The following ZBTB20 variants were observed in gnomAD, a reference collection of about 807,000 sequenced individuals.
The protein encoded by ZBTB20 is zinc finger and BTB domain containing 20.
In ZBTB20, 9 loss-of-function variants were observed where a neutral mutation model predicts 56.9. The observed-to-expected ratio is 0.16, with a 90% CI of 0.10 to 0.28. The LOEUF (loss-of-function observed/expected upper bound fraction) is 0.28, where lower values mean the gene tolerates loss of function less well. ZBTB20 is among the 10% of genes least tolerant of loss of function. The pLI is 1.00. For missense variants in ZBTB20, 655 were observed against 1,003.0 expected (o/e 0.65, Z 4.69); for synonymous variants, 417 against 420.7 (o/e 0.99, Z 0.11).
At chr3:115,097,776 G>A (rs755388026) in intron 1 of ZBTB20, among the ~76,000 whole-genome samples, 14 of 152,104 alleles carry the variant, frequency 9.2e-5, no homozygotes, top group Admixed American at 6.5e-4. Flanking sequence ...ATTCTATAGC[G>A]CTCCTGTAAC....
At chr3:115,058,358 C>T (rs890765846) in intron 2 of ZBTB20, among the ~76,000 whole-genome samples, 7 of 152,016 alleles carry the variant, frequency 4.6e-5, no homozygotes, top group Non-Finnish European at 7.4e-5. Context: ...GTCTTGATGC[C>T]ATTTCCTTCA....
Position 115,065,073 on chromosome 3 carries a change from C to G in ZBTB20, c.-507+6146G>C, listed in dbSNP as rs539549660. Among the ~76,000 whole-genome samples, 4 of 152,202 alleles carry G rather than the reference C, an allele frequency of 2.6e-5. No individual in the cohort carries two copies. The South Asian group carries it at 6.2e-4, about 24-fold the overall frequency. On this transcript the variant is annotated intron_variant, in intron 2 of 11. Transcript: ENST00000675478. Reference sequence around the variant, plus strand: ...CCTGCCTTCTGAACTTCCCATTAATCAGATGTTCAGCTTGTTGGATCGTTT... The same window carrying G: ...CCTGCCTTCTGAACTTCCCATTAATGAGATGTTCAGCTTGTTGGATCGTTT...
chr3:114,427,759 G>T (rs996815129), intron 7 of ZBTB20, among the ~76,000 whole-genome samples: 5 of 152,238 alleles, frequency 3.3e-5, no homozygotes, highest in South Asian at 4.1e-4. Context: ...AATGTATCGT[G>T]TAATAAGAAA....
intron 3 of ZBTB20, among the ~76,000 whole-genome samples, chr3:114,940,715 G>A (rs1249607139): frequency 6.8e-6 from 1 of 146,306 alleles, no homozygotes; most frequent in African/African-American, 2.8e-5. Context: ...TTCGGTTTAT[G>A]TTACAATATT....
Position 114,334,535 on chromosome 3 carries a change from T to C in ZBTB20, c.*4470A>G, listed in dbSNP as rs761956030. 1.3e-5 allele frequency: 2 copies of C among 152,178 alleles called. No homozygotes were observed. The highest frequency in any genetic ancestry group is 2.9e-5 in the Non-Finnish European group (2 of 68,020). The allele number at this position is 152,178 out of a possible 1,614,324, so 9.4% of individuals were successfully genotyped here. A position where few individuals can be genotyped will look rare whatever the true frequency, so the allele number is the denominator to read the frequency against. The stretch of plus-strand genomic sequence containing the variant: ...GAAACAAACATACCTGGAGGAAAAC[T>C]TTTTTCATTATCAGAATTCACAAAT... On this transcript the variant is annotated 3_prime_UTR_variant, in exon 12 of 12. Transcript: ENST00000675478.
At chr3:114,523,269 T>C (rs900381572) in intron 6 of ZBTB20, among the ~76,000 whole-genome samples, 2 of 152,186 alleles carry the variant, frequency 1.3e-5, no homozygotes, top group African/African-American at 2.4e-5. Flanking sequence ...ATGGAAGTCA[T>C]TGGTGACCTT....
chr3:114,641,419 G>C (rs2059552041), intron 6 of ZBTB20, among the ~76,000 whole-genome samples: 2 of 151,762 alleles, frequency 1.3e-5, no homozygotes, highest in East Asian at 3.9e-4. Context: ...TTTGTTAGTA[G>C]TATAATATAT....
intron 7 of ZBTB20, among the ~76,000 whole-genome samples, chr3:114,461,880 G>A (rs1034045029): frequency 2.6e-5 from 4 of 152,170 alleles, no homozygotes; most frequent in Admixed American, 2.6e-4. Flanking sequence ...ACAAATCTGT[G>A]AGGCTCATCA....
intron 6 of ZBTB20, among the ~76,000 whole-genome samples, chr3:114,513,480 G>A (rs9842821): frequency 0.33 from 50,850 of 151,924 alleles, 9,446 homozygotes; most frequent in African/African-American, 0.5. Context: ...TCTCCATGCT[G>A]GCATGGGGTA....
intron 10 of ZBTB20, among the ~76,000 whole-genome samples, chr3:114,377,845 G>A (rs1244582532): frequency 6.6e-6 from 1 of 151,974 alleles, no homozygotes; most frequent in Non-Finnish European, 1.5e-5. Flanking sequence ...ACAGGATATG[G>A]GCATTAAATC....
chr3:115,026,268 A>G (rs1369707294), intron 2 of ZBTB20, among the ~76,000 whole-genome samples: 1 of 151,020 alleles, frequency 6.6e-6, no homozygotes, highest in Non-Finnish European at 1.5e-5. Flanking sequence ...ATGCATGTTC[A>G]CTGTACTGTG....
At chr3:114,790,119 T>A (rs1052924428) in intron 5 of ZBTB20, among the ~76,000 whole-genome samples, 15 of 152,156 alleles carry the variant, frequency 9.9e-5, no homozygotes, top group Non-Finnish European at 2.1e-4. Context: ...CATTTTCTTT[T>A]GTGCTGCAGA....
At chr3:114,678,637 A>G (rs2061779578) in intron 6 of ZBTB20, among the ~76,000 whole-genome samples, 1 of 152,198 alleles carries the variant, frequency 6.6e-6, no homozygotes, top group Admixed American at 6.5e-5. Flanking sequence ...AAAAAGAGAG[A>G]CTTTCAATGA....
intron 3 of ZBTB20, among the ~76,000 whole-genome samples, chr3:114,943,099 A>C (rs1466377585): frequency 6.9e-6 from 1 of 145,488 alleles, no homozygotes; most frequent in Non-Finnish European, 1.5e-5. Context: ...ACGAAGCAAA[A>C]ACTGGAGTTT....
At chr3:114,442,535 T>C (rs2090999677) in intron 7 of ZBTB20, among the ~76,000 whole-genome samples, 1 of 152,138 alleles carries the variant, frequency 6.6e-6, no homozygotes, top group Non-Finnish European at 1.5e-5. Flanking sequence ...GCCAACACCA[T>C]TACTCTGGCA....
intron 7 of ZBTB20, among the ~76,000 whole-genome samples, chr3:114,497,634 C>T (rs1483155814): frequency 6.6e-6 from 1 of 152,202 alleles, no homozygotes; most frequent in Non-Finnish European, 1.5e-5. Context: ...CTTCATTCCT[C>T]TTACTACGTC....
intron 4 of ZBTB20, among the ~76,000 whole-genome samples, chr3:114,813,585 T>C (rs1273129094): frequency 1.3e-5 from 2 of 152,094 alleles, no homozygotes; most frequent in African/African-American, 2.4e-5. Context: ...ATCCTGTCTG[T>C]ACAGAAAATG....
At chr3:114,808,720 C>A (rs2108868481) in intron 4 of ZBTB20, among the ~76,000 whole-genome samples, 1 of 152,028 alleles carries the variant, frequency 6.6e-6, no homozygotes, top group South Asian at 2.1e-4. Flanking sequence ...TCTGTTCAAA[C>A]AGAATTTAGT....
chr3:115,006,293 C>A (rs748811407), intron 2 of ZBTB20, among the ~76,000 whole-genome samples: 24 of 151,806 alleles, frequency 1.6e-4, no homozygotes, highest in South Asian at 1.2e-3. Flanking sequence ...CCTCTCCATT[C>A]CCCCTCCATA....
Sources: allele counts gnomAD v4.1 joint callset (sites outside exome capture counted in the v4.1 genomes callset), GRCh38; gene constraint gnomAD v4.1.1; transcripts MANE v1.5; gene names NCBI Gene and HGNC (gene_info 2026-07-23, HGNC 2026-07-21).